MAP3K20: variants seen among roughly 807,000 people sequenced by gnomAD.
The protein encoded by MAP3K20 is HCCS-4.
MAP3K20 carries 40 observed loss-of-function variants against 85.7 expected under a neutral mutation model. That is an observed-to-expected ratio of 0.47 (90% CI 0.36 to 0.61). The LOEUF (loss-of-function observed/expected upper bound fraction) is 0.61. Among genes scored for constraint, MAP3K20 ranks in the 20% least tolerant of loss-of-function variants. MAP3K20 has a pLI of 0.00. For missense variants in MAP3K20, 817 were observed against 961.7 expected, an observed-to-expected ratio of 0.85 and a Z score of 1.99; for synonymous variants, 325 against 327.7, an observed-to-expected ratio of 0.99 and a Z score of 0.09.
rs1185006814 is a variant in MAP3K20, at chr2:173,266,138, G to C, written c.1791G>C (p.Leu597=). ...SLQRSQSNPI[L]GSPFFSHFDG... ...AGCGTTCCCAGAGCAATCCTATTCT[G>C]GGGTCACCGTTCTTCTCACACTTTG... The change falls in exon 20 of 20, where the codon CTG becomes CTC. Residue 597 remains leucine, a synonymous_variant. Coordinates refer to ENST00000375213, the MANE Select transcript of MAP3K20 (RefSeq NM_016653.3). 6.2e-7 allele frequency: 1 copy of C among 1,613,488 alleles called. No individual in the cohort carries two copies. Among genetic ancestry groups the C allele is most frequent in the Admixed American group, 1.7e-5 (1 of 59,902 alleles).
chr2:173,254,788 C>T (rs940091651), intron 16 of MAP3K20, among the ~76,000 whole-genome samples: 16 of 152,166 alleles, frequency 1.1e-4, no homozygotes, highest in Admixed American at 5.2e-4. Flanking sequence ...TAATTTGAAA[C>T]TGAGCAGAAT....
chr2:173,204,003 G>C, intron 9 of MAP3K20, 133 bp downstream of exon 9: 3 of 757,740 alleles, frequency 4.0e-6, no homozygotes, highest in Non-Finnish European at 6.6e-6. Context: ...GCCCCAGATT[G>C]ACTGTTAAGG....
At chr2:173,188,329 G>A (rs1307944141) in intron 5 of MAP3K20, among the ~76,000 whole-genome samples, 1 of 152,172 alleles carries the variant, frequency 6.6e-6, no homozygotes, top group Non-Finnish European at 1.5e-5. Context: ...GAGAAAGGCA[G>A]TAGCATTATA....
chr2:173,254,288 C>T (rs1031357587), intron 16 of MAP3K20, among the ~76,000 whole-genome samples: 4 of 151,374 alleles, frequency 2.6e-5, no homozygotes, highest in Non-Finnish European at 4.4e-5. Flanking sequence ...ATTAGCTGGG[C>T]GTGGTGGCGG....
intron 2 of MAP3K20, among the ~76,000 whole-genome samples, chr2:173,144,153 A>C (rs189697488): frequency 1.4e-4 from 22 of 152,012 alleles, no homozygotes; most frequent in African/African-American, 5.3e-4. Flanking sequence ...AAAATAAAGA[A>C]AGGAAAAGAA....
chr2:173,254,614 AG>A (rs1462068492), intron 16 of MAP3K20, among the ~76,000 whole-genome samples: 1 of 152,164 alleles, frequency 6.6e-6, no homozygotes, highest in East Asian at 1.9e-4. Context: ...TTGTAATGAT[AG>A]CCTTTTCCGG....
At chr2:173,138,258 C>G (rs559613011) in intron 2 of MAP3K20, among the ~76,000 whole-genome samples, 1 of 152,090 alleles carries the variant, frequency 6.6e-6, no homozygotes, top group East Asian at 1.9e-4. Flanking sequence ...CGTGAGCTAC[C>G]GTGCCTGGCA....
rs558518735 is a variant in MAP3K20 at position 173,227,757 on chromosome 2, A to G, written c.988-1932A>G. Among the ~76,000 whole-genome samples, 6 of 152,340 alleles carry G rather than the reference A, an allele frequency of 3.9e-5. No homozygotes were observed. The South Asian group carries it at 1.2e-3, about 32-fold the overall frequency. The stretch of plus-strand genomic sequence containing the variant: ...AACATTTAGGAATTTTATAAAAATA[A>G]CACTACACATCCCCTCCCCCCAACC... On this transcript the variant is annotated intron_variant, in intron 11 of 19. Transcript: ENST00000375213.
chr2:173,247,906 G>A (rs1052840856), intron 16 of MAP3K20, among the ~76,000 whole-genome samples: 1 of 152,146 alleles, frequency 6.6e-6, no homozygotes, highest in Non-Finnish European at 1.5e-5. Flanking sequence ...CAAGTCCAAG[G>A]GAGACAGCAT....
chr2:173,194,327 A>T (rs538643323), intron 7 of MAP3K20, among the ~76,000 whole-genome samples: 6 of 152,314 alleles, frequency 3.9e-5, no homozygotes, highest in African/African-American at 1.4e-4. Flanking sequence ...CACCAACCTA[A>T]TATTTAATTC....
At chr2:173,175,098 C>T (rs1230583278) in intron 3 of MAP3K20, among the ~76,000 whole-genome samples, 1 of 152,162 alleles carries the variant, frequency 6.6e-6, no homozygotes, top group African/African-American at 2.4e-5. Flanking sequence ...ACTTCCCTCC[C>T]TCTCTTTTGT....
intron 1 of MAP3K20, among the ~76,000 whole-genome samples, chr2:173,084,437 A>AT (rs397694282): frequency 6.7e-6 from 1 of 150,142 alleles, no homozygotes; most frequent in African/African-American, 2.4e-5. Context: ...AAAAAAAAAA[A>AT]GAAAAGTATT....
chr2:173,238,784 G>A (rs756813928), intron 15 of MAP3K20, among the ~76,000 whole-genome samples: 14 of 152,268 alleles, frequency 9.2e-5, no homozygotes, highest in Admixed American at 2.0e-4. Flanking sequence ...TGGAGCGCTC[G>A]ATCGTCAACT....
intron 1 of MAP3K20, among the ~76,000 whole-genome samples, chr2:173,081,209 T>TTA (rs896801164): frequency 6.9e-6 from 1 of 143,928 alleles, no homozygotes; most frequent in African/African-American, 2.5e-5. Flanking sequence ...TTTTTTTTTT[T>TTA]AGAAACAGAG....
chr2:173,130,014 C>T (rs1341614080), intron 2 of MAP3K20, among the ~76,000 whole-genome samples: 1 of 152,146 alleles, frequency 6.6e-6, no homozygotes, highest in Non-Finnish European at 1.5e-5. Flanking sequence ...AAAATTGAGG[C>T]AACATAAGTT....
In MAP3K20 at chr2:173,223,146, G is replaced by T. The variant is rs1427771183; in HGVS notation, c.987+5896G>T. The T allele has an allele frequency of 4.1e-6, 4 of 985,272 alleles. No homozygotes were observed. In the South Asian group the frequency reaches 1.9e-4, roughly 46 times the overall value. 61.0% of individuals were successfully genotyped at this position (985,272 alleles called of 1,614,324 possible). A position where few individuals can be genotyped will look rare whatever the true frequency, so the allele number is the denominator to read the frequency against. On this transcript the variant is annotated intron_variant, in intron 11 of 19. Coordinates refer to ENST00000375213, the MANE Select transcript of MAP3K20 (RefSeq NM_016653.3). ...AATACCACATAATGATCAGTATGCT[G>T]TGCCAGCTTCATTTGGGGAGAAATA...
intron 2 of MAP3K20, among the ~76,000 whole-genome samples, chr2:173,121,019 C>T (rs36103648): frequency 0.26 from 38,777 of 152,064 alleles, 6,151 homozygotes; most frequent in Non-Finnish European, 0.35. Context: ...GAGTCACTCT[C>T]ACTTCTATTC....
chr2:173,086,251 A>G (rs1304431173), intron 1 of MAP3K20, among the ~76,000 whole-genome samples: 3 of 152,226 alleles, frequency 2.0e-5, no homozygotes, highest in Non-Finnish European at 2.9e-5. Context: ...ATCAAGTAGC[A>G]GTCTTCCCCA....
At chr2:173,155,079 A>G (rs941127134) in intron 2 of MAP3K20, among the ~76,000 whole-genome samples, 2 of 152,204 alleles carry the variant, frequency 1.3e-5, no homozygotes, top group Non-Finnish European at 2.9e-5. Flanking sequence ...GGAATATTTC[A>G]GAAAGAATAT....
Sources: gnomAD v4.1 joint callset for allele counts (sites outside exome capture counted in the v4.1 genomes callset) on GRCh38, gnomAD v4.1.1 for gene constraint, MANE v1.5 for transcripts, NCBI Gene and HGNC (gene_info 2026-07-23, HGNC 2026-07-21) for gene names.